SNRK: variants seen among roughly 807,000 people sequenced by gnomAD.
SNRK encodes SNF-related serine/threonine-protein kinase.
A neutral mutation model predicts 48.2 loss-of-function variants in SNRK; 3 were observed. The observed-to-expected ratio is 0.06, with a 90% confidence interval of 0.03 to 0.16. The LOEUF is 0.16. Ranked by LOEUF, SNRK falls within the 10% of genes least tolerant of loss-of-function variation. The probability of loss-of-function intolerance (pLI) is 1.00; values close to 1 mark genes in which losing one functional copy is unlikely to be tolerated. For missense variants in SNRK, 627 were observed against 976.0 expected, an observed-to-expected ratio of 0.64 and a Z score of 4.76; for synonymous variants, 376 against 366.1, an observed-to-expected ratio of 1.03 and a Z score of -0.31.
chr3:43,336,375 T>G (rs1199291296), intron 4 of SNRK, among the ~76,000 whole-genome samples: 2 of 151,836 alleles, frequency 1.3e-5, no homozygotes, highest in Non-Finnish European at 2.9e-5. Flanking sequence ...TTGCCCAGGC[T>G]GGAATACAGT....
rs1385794050 is a variant in SNRK, at chr3:43,286,580, G to A, written c.-264G>A. The stretch of plus-strand genomic sequence containing the variant: ...CCTCCCCGCGGCCGGCAGCCCGCTC[G>A]GTATTATGATTAGCGCTGGGTGCGG... On this transcript the variant is annotated 5_prime_UTR_variant, in exon 1 of 7. Transcript: ENST00000296088. 1 of 150,586 alleles carries A rather than the reference G, an allele frequency of 6.6e-6. No homozygotes were observed. Among genetic ancestry groups the A allele is most frequent in the Non-Finnish European group, 1.5e-5 (1 of 67,428 alleles). The allele number at this position is 150,586 out of a possible 1,614,324, so 9.3% of individuals were successfully genotyped here. A position where few individuals can be genotyped will look rare whatever the true frequency, so the allele number is the denominator to read the frequency against.
At chr3:43,310,359 C>T (rs2090970630) in intron 3 of SNRK, among the ~76,000 whole-genome samples, 1 of 152,060 alleles carries the variant, frequency 6.6e-6, no homozygotes, top group Non-Finnish European at 1.5e-5. Context: ...TGTTGGCGTC[C>T]ACCTTTAATG....
At chr3:43,316,223 A>G (rs1442976296) in intron 3 of SNRK, among the ~76,000 whole-genome samples, 5 of 152,126 alleles carry the variant, frequency 3.3e-5, no homozygotes, top group Non-Finnish European at 7.3e-5. Context: ...TCACTGTGTT[A>G]TAAGGCTCAG....
Position 43,348,818 on chromosome 3 carries a change from T to C in SNRK, c.*261T>C. Reference sequence around the variant, plus strand: ...GTGGATGATCAGGATTAAATCAAGATATATATCTGGAACCTCTTATAAATG... The same window carrying C: ...GTGGATGATCAGGATTAAATCAAGACATATATCTGGAACCTCTTATAAATG... On this transcript the variant is annotated 3_prime_UTR_variant, in exon 7 of 7. Transcript: ENST00000296088. The C allele has an allele frequency of 2.9e-6, 1 of 339,898 alleles. No homozygotes were observed. Among genetic ancestry groups the C allele is most frequent in the Non-Finnish European group, 5.3e-6 (1 of 189,040 alleles). The allele number at this position is 339,898 out of a possible 1,614,324, so 21.1% of individuals were successfully genotyped here.
chr3:43,336,518 G>A (rs564406326), intron 4 of SNRK, among the ~76,000 whole-genome samples: 2 of 152,152 alleles, frequency 1.3e-5, no homozygotes, highest in African/African-American at 4.8e-5. Flanking sequence ...TTTTTGTAGA[G>A]ACCGGGTCTC....
At chr3:43,310,611 T>C (rs377259837) in intron 3 of SNRK, among the ~76,000 whole-genome samples, 4 of 152,214 alleles carry the variant, frequency 2.6e-5, no homozygotes, top group African/African-American at 9.6e-5. Flanking sequence ...CAAGTCCTTA[T>C]GTGTCTAAAA....
rs772911877 is a variant in SNRK, at chr3:43,348,171, C to A, written c.1912C>A (p.Arg638Ser). ...CAGCAACTCCATGCAGCTGGCCTCTCGCAGTGCTGGGGAGCTCGTTGAGAG... is the reference window on the plus strand; with the variant it reads ...CAGCAACTCCATGCAGCTGGCCTCTAGCAGTGCTGGGGAGCTCGTTGAGAG... ...GPSNSMQLAS[R>S]SAGELVESLK... The change falls in exon 7 of 7, where the codon CGC becomes AGC. Residue 638 changes from arginine (R) to serine (S), a missense_variant. Physicochemically the swap from Arg to Ser is moderately radical, Grantham distance 110. Coordinates refer to ENST00000296088, the MANE Select transcript of SNRK (RefSeq NM_017719.5). 1 of 1,588,212 alleles carries A rather than the reference C, an allele frequency of 6.3e-7. No individual in the cohort carries two copies. The highest frequency in any genetic ancestry group is 8.6e-7 in the Non-Finnish European group (1 of 1,168,286).
intron 1 of SNRK, among the ~76,000 whole-genome samples, chr3:43,293,509 T>A (rs1218200715): frequency 6.6e-6 from 1 of 152,304 alleles, no homozygotes; most frequent in Middle Eastern, 3.4e-3. Context: ...CTGTCAAAAA[T>A]TTTAAAAGAA....
At chr3:43,319,412 C>T (rs777922646) in intron 3 of SNRK, among the ~76,000 whole-genome samples, 2 of 152,168 alleles carry the variant, frequency 1.3e-5, no homozygotes, top group South Asian at 4.1e-4. Context: ...GTAGATATAT[C>T]GAAATCTCGG....
intron 1 of SNRK, among the ~76,000 whole-genome samples, chr3:43,293,921 G>GA (rs111484391): frequency 0.063 from 9,048 of 142,516 alleles, 349 homozygotes; most frequent in African/African-American, 0.096. Context: ...TCTGTCTCAA[G>GA]AAAAAAAAAA....
At chr3:43,309,612 G>GTTTTTTTTTTTT (rs35398476) in intron 3 of SNRK, among the ~76,000 whole-genome samples, 1 of 143,196 alleles carries the variant, frequency 7.0e-6, no homozygotes, top group Non-Finnish European at 1.5e-5. Flanking sequence ...TAGAAATAAG[G>GTTTTTTTTTTTT]TTTTTTTTTT....
chr3:43,290,248 G>A (rs999583953), intron 1 of SNRK, among the ~76,000 whole-genome samples: 3 of 152,116 alleles, frequency 2.0e-5, no homozygotes. Flanking sequence ...GGTGAAGAAG[G>A]TAAAAAAATC....
At chr3:43,318,839 C>G (rs1242977461) in intron 3 of SNRK, among the ~76,000 whole-genome samples, 1 of 151,902 alleles carries the variant, frequency 6.6e-6, no homozygotes, top group Admixed American at 6.6e-5. Context: ...ACCAGCCTGG[C>G]CAAGCAGATG....
At chr3:43,334,018 C>T (rs1227468404) in intron 4 of SNRK, among the ~76,000 whole-genome samples, 1 of 151,942 alleles carries the variant, frequency 6.6e-6, no homozygotes, top group African/African-American at 2.4e-5. Context: ...TGGTGGCTGG[C>T]GCCTGTAATC....
At chr3:43,296,430 A>ATATATATATG (rs371180789) in intron 1 of SNRK, among the ~76,000 whole-genome samples, 3 of 146,080 alleles carry the variant, frequency 2.1e-5, no homozygotes, top group South Asian at 2.1e-4. Flanking sequence ...ATATATATAT[A>ATATATATATG]TATGTATATA....
intron 3 of SNRK, among the ~76,000 whole-genome samples, chr3:43,318,655 T>G (rs1418772552): frequency 1.3e-5 from 2 of 152,026 alleles, no homozygotes; most frequent in Non-Finnish European, 2.9e-5. Flanking sequence ...CTAACACAAA[T>G]TTGGAATTGT....
Position 43,286,615 on chromosome 3 carries a change from G to T in SNRK, c.-229G>T, listed in dbSNP as rs2090764930. 6.7e-6 allele frequency: 1 copy of T among 150,224 alleles called. No individual in the cohort carries two copies. The highest frequency in any genetic ancestry group is 2.4e-5 in the African/African-American group (1 of 41,230). 9.3% of individuals were successfully genotyped at this position (150,224 alleles called of 1,614,324 possible). ...TTAGCGCTGGGTGCGGGGTTTCGGC[G>T]GCCGGGAGGGAGTTGTCGGCGCCGC... On this transcript the variant is annotated 5_prime_UTR_variant, in exon 1 of 7. Coordinates refer to ENST00000296088, the MANE Select transcript of SNRK (RefSeq NM_017719.5).
chr3:43,301,160 A>G (rs2090895106), intron 2 of SNRK, among the ~76,000 whole-genome samples: 1 of 152,378 alleles, frequency 6.6e-6, no homozygotes. Flanking sequence ...CAAAAAATAT[A>G]TTAGTAAACA....
chr3:43,288,753 A>G (rs925611385), intron 1 of SNRK, among the ~76,000 whole-genome samples: 1 of 152,206 alleles, frequency 6.6e-6, no homozygotes, highest in Admixed American at 6.5e-5. Context: ...GAATCTTAGG[A>G]ATTAAAAACC....
Sources: gnomAD v4.1 joint callset for allele counts (sites outside exome capture counted in the v4.1 genomes callset) on GRCh38, gnomAD v4.1.1 for gene constraint, MANE v1.5 for transcripts, NCBI Gene and HGNC (gene_info 2026-07-23, HGNC 2026-07-21) for gene names.